GALK2: variants seen among roughly 807,000 people sequenced by gnomAD.
GALK2 encodes galactokinase 2, also known as N-acetylgalactosamine kinase.
A neutral mutation model predicts 52.4 loss-of-function variants in GALK2; 36 were observed. The ratio of observed to expected loss-of-function variants is 0.69; its 90% confidence interval spans 0.53 to 0.91. GALK2 has a LOEUF of 0.91. GALK2 is among the 40% of genes least tolerant of loss of function. The pLI is 0.00. For missense variants in GALK2, 579 were observed against 559.1 expected (o/e 1.04, Z -0.36); for synonymous variants, 176 against 199.1 (o/e 0.88, Z 0.98).
rs2038218437 is a variant in GALK2 at position 49,329,635 on chromosome 15, GC to G, written c.*1477del. The G allele has an allele frequency of 1.0e-6, 1 of 984,458 alleles. No homozygotes were observed. Among genetic ancestry groups the G allele is most frequent in the South Asian group, 4.7e-5 (1 of 21,268 alleles). 61.0% of individuals were successfully genotyped at this position (984,458 alleles called of 1,614,324 possible). A position where few individuals can be genotyped will look rare whatever the true frequency, so the allele number is the denominator to read the frequency against. On this transcript the variant is annotated 3_prime_UTR_variant, in exon 10 of 10. Coordinates refer to ENST00000560031, the MANE Select transcript of GALK2 (RefSeq NM_002044.4). ...TTTCATTCTTAGCAGAAAGGTAAATGCTTGAGAAAGCTTGAGTCAAATTTGT... is the reference window on the plus strand; with the variant it reads ...TTTCATTCTTAGCAGAAAGGTAAATGTTGAGAAAGCTTGAGTCAAATTTGT...
At position 49,230,935 on chromosome 15, in the gene GALK2, G is replaced by A. The variant is rs1024343283; in HGVS notation, c.267-4916G>A. On this transcript the variant is annotated intron_variant, in intron 3 of 9. Coordinates refer to ENST00000560031, the MANE Select transcript of GALK2 (RefSeq NM_002044.4). ...GAGTGGTTTTGAACCTCAGGAAAAG[G>A]CTAGGTAGAGAGGTGAGATAGGGAT... 3.9e-5 allele frequency among the ~76,000 whole-genome samples: 6 copies of A among 152,124 alleles called. No individual in the cohort carries two copies. The East Asian group carries it at 7.7e-4, about 20-fold the overall frequency.
chr15:49,212,246 C>A (rs1271414453), intron 2 of GALK2, among the ~76,000 whole-genome samples: 1 of 152,074 alleles, frequency 6.6e-6, no homozygotes, highest in African/African-American at 2.4e-5. Flanking sequence ...GTGTCCACGA[C>A]CATGCCTGGA....
rs3075133 is a variant in GALK2 at position 49,257,312 on chromosome 15, T to TTGA, written c.504+17946_504+17948dup. Among the ~76,000 whole-genome samples the TTGA allele has an allele frequency of 4.3e-4, 65 of 152,280 alleles. No individual in the cohort carries two copies. In the East Asian group the frequency reaches 6.6e-3, roughly 15 times the overall value. ...AGACTGTTCCTCTTGGATGTCACAC[T>TTGA]TGAACCCGCTGAATTTTGTCACCTG... On this transcript the variant is annotated intron_variant, in intron 5 of 9. Coordinates refer to ENST00000560031, the MANE Select transcript of GALK2 (RefSeq NM_002044.4).
chr15:49,327,673 A>G (rs1374794949), intron 9 of GALK2: 3 of 261,812 alleles, frequency 1.1e-5, no homozygotes, highest in Non-Finnish European at 7.2e-6. Context: ...TGGAATCAAT[A>G]TTACAGTGGG....
chr15:49,248,419 A>G (rs2141555515), intron 5 of GALK2, among the ~76,000 whole-genome samples: 1 of 152,328 alleles, frequency 6.6e-6, no homozygotes, highest in East Asian at 1.9e-4. Context: ...TTGAGTGCTA[A>G]TGAACTGCAG....
chr15:49,252,885 A>G (rs2091670065), intron 5 of GALK2, among the ~76,000 whole-genome samples: 1 of 144,448 alleles, frequency 6.9e-6, no homozygotes, highest in Admixed American at 7.0e-5. Context: ...CATTTCTTTA[A>G]TTATTAGATA....
At chr15:49,158,035 AAT>A (rs2084518717) in intron 1 of GALK2, among the ~76,000 whole-genome samples, 1 of 152,094 alleles carries the variant, frequency 6.6e-6, no homozygotes. Flanking sequence ...GCCTGGGGAG[AAT>A]ATATGACCTA....
intron 8 of GALK2, chr15:49,318,150 C>A (rs538368831): frequency 2.6e-5 from 4 of 152,130 alleles, no homozygotes; most frequent in Admixed American, 6.5e-5. Context: ...TTTTCCCAGA[C>A]CCACCACACC....
chr15:49,162,806 C>G (rs757974991), intron 1 of GALK2, among the ~76,000 whole-genome samples: 2 of 152,132 alleles, frequency 1.3e-5, no homozygotes, highest in Non-Finnish European at 2.9e-5. Flanking sequence ...AGTCTGACAG[C>G]CCACAAGGAA....
intron 8 of GALK2, 50 bp from the exon 9 acceptor site, chr15:49,319,554 T>C: frequency 6.7e-7 from 1 of 1,486,482 alleles, no homozygotes; most frequent in Non-Finnish European, 9.4e-7. Flanking sequence ...TTATACTGGG[T>C]TGTCCAGTAA....
intron 5 of GALK2, 105 bp downstream of exon 5, chr15:49,239,472 A>G (rs2141502154): frequency 9.5e-7 from 1 of 1,054,706 alleles, no homozygotes; most frequent in South Asian, 1.5e-5. Flanking sequence ...TGTCTTCTCT[A>G]AAAGGACTGC....
intron 1 of GALK2, among the ~76,000 whole-genome samples, chr15:49,192,591 G>A (rs1291849489): frequency 6.8e-6 from 1 of 147,712 alleles, no homozygotes; most frequent in Non-Finnish European, 1.5e-5. Flanking sequence ...TAATGACTAT[G>A]TATTTTTGTT....
At chr15:49,353,023 T>C (rs1325744129) in intron 3 of GALK2, among the ~76,000 whole-genome samples, 1 of 152,192 alleles carries the variant, frequency 6.6e-6, no homozygotes, top group Non-Finnish European at 1.5e-5. Context: ...AAACAGTGTC[T>C]AAGCATTCTT....
chr15:49,156,246 C>T, intron 1 of GALK2: 1 of 546,606 alleles, frequency 1.8e-6, no homozygotes. Flanking sequence ...CTTTACAGCC[C>T]TTGGGACCAA....
Position 49,253,275 on chromosome 15 carries a change from A to AG in GALK2, c.504+13911dup, listed in dbSNP as rs1326793316. On this transcript the variant is annotated intron_variant, in intron 5 of 9. Coordinates refer to ENST00000560031, the MANE Select transcript of GALK2 (RefSeq NM_002044.4). ...TGGACACAGGGAGCCTCATAGACTC[A>AG]GGGATTTTACTTAGCATCTCTCAGG... Among the ~76,000 whole-genome samples the AG allele has an allele frequency of 2.8e-5, 4 of 143,836 alleles. 1 individual carries two copies. The highest frequency in any genetic ancestry group is 6.2e-5 in the Non-Finnish European group (4 of 64,040). 94.4% of individuals were successfully genotyped at this position (143,836 alleles called of 152,430 possible).
intron 5 of GALK2, among the ~76,000 whole-genome samples, chr15:49,247,663 A>G (rs532998845): frequency 6.6e-6 from 1 of 152,316 alleles, no homozygotes; most frequent in South Asian, 2.1e-4. Flanking sequence ...TTCTAAGAAA[A>G]TGTTAAAGGA....
At chr15:49,195,191 C>A in intron 1 of GALK2, 1 of 426,064 alleles carries the variant, frequency 2.3e-6, no homozygotes, top group Non-Finnish European at 4.7e-6. Context: ...CCTGCCTCCG[C>A]CTCCGGAGTA....
chr15:49,344,924 A>C (rs570268872), intron 3 of GALK2, among the ~76,000 whole-genome samples: 5 of 152,328 alleles, frequency 3.3e-5, no homozygotes, highest in South Asian at 4.1e-4. Context: ...ATTGAATATT[A>C]TTCTTCTTGT....
chr15:49,156,524 G>A, intron 1 of GALK2: 1 of 509,436 alleles, frequency 2.0e-6, no homozygotes, highest in Non-Finnish European at 3.9e-6. Context: ...TCTAAAATAT[G>A]TGTGTGTTGA....
Sources: allele counts gnomAD v4.1 joint callset (sites outside exome capture counted in the v4.1 genomes callset), GRCh38; gene constraint gnomAD v4.1.1; transcripts MANE v1.5; gene names NCBI Gene and HGNC (gene_info 2026-07-23, HGNC 2026-07-21).